Variants in GSTO2 observed in about 807,000 individuals in gnomAD.
The protein encoded by GSTO2 is glutathione S-transferase omega 2.
A neutral mutation model predicts 28.4 loss-of-function variants in GSTO2; 23 were observed. The observed-to-expected ratio is 0.81, with a 90% CI of 0.58 to 1.15. GSTO2 has a LOEUF of 1.15. GSTO2 is among the 50% of genes most tolerant of loss of function. The pLI, the probability that GSTO2 is intolerant of heterozygous loss-of-function variation, is 0.00. For missense variants in GSTO2, 298 were observed against 297.8 expected (o/e 1.00, Z 0.00); for synonymous variants, 109 against 111.0 (o/e 0.98, Z 0.11).
chr10:104,274,684 G>C lies in GSTO2; in HGVS notation c.-231-1G>C, dbSNP rs1379042231. 2 of 581,452 alleles carry C rather than the reference G, an allele frequency of 3.4e-6. No homozygotes were observed. The highest frequency in any genetic ancestry group is 6.0e-6 in the Non-Finnish European group (2 of 331,964). 36.0% of individuals were successfully genotyped at this position (581,452 alleles called of 1,614,324 possible). On this transcript the variant is annotated splice_acceptor_variant, in intron 1 of 6. Transcript: ENST00000338595. LOFTEE classifies it low-confidence loss of function (5UTR_SPLICE). ...TTTTGTCTTGTTTTGTTTTTTGCCA[G>C]CTCCTACTCTCGGGCTTCCAAATCT... is the stretch of plus-strand genomic sequence containing the variant.
chr10:104,291,957 T>G (rs569773111), intron 5 of GSTO2, among the ~76,000 whole-genome samples: 5 of 152,312 alleles, frequency 3.3e-5, no homozygotes, highest in East Asian at 3.9e-4. Context: ...ACAAACCTCT[T>G]GAACTCTTAA....
rs976871932 is a variant in GSTO2, at chr10:104,299,981, G to A, written c.*697G>A. 1.3e-5 allele frequency: 2 copies of A among 152,376 alleles called. No homozygotes were observed. The highest frequency in any genetic ancestry group is 4.8e-5 in the African/African-American group (2 of 41,446). The allele number at this position is 152,376 out of a possible 1,614,324, so 9.4% of individuals were successfully genotyped here. ...ATGGCACCCTCCAAAGACCTCCCTG[G>A]TGAAAGCTTAAGAAGAGGGAGAAGG... is the stretch of plus-strand genomic sequence containing the variant. On this transcript the variant is annotated 3_prime_UTR_variant, in exon 7 of 7. Transcript: ENST00000338595.
rs2013345985 is a variant in GSTO2 at position 104,304,512 on chromosome 10, C to T, written c.*5228C>T. The T allele has an allele frequency of 6.6e-6, 1 of 152,190 alleles. No homozygotes were observed. Among genetic ancestry groups the T allele is most frequent in the African/African-American group, 2.4e-5 (1 of 41,448 alleles). The allele number at this position is 152,190 out of a possible 1,614,324, so 9.4% of individuals were successfully genotyped here. Reference sequence around the variant, plus strand: ...CAACTTAACTTTCTTGAGTAAGTTGCTACACCTCTATTAGCCTCAGTTTCT... The same window carrying T: ...CAACTTAACTTTCTTGAGTAAGTTGTTACACCTCTATTAGCCTCAGTTTCT... On this transcript the variant is annotated 3_prime_UTR_variant, in exon 7 of 7. Transcript: ENST00000338595.
chr10:104,290,469 C>T (rs974649406), intron 5 of GSTO2, among the ~76,000 whole-genome samples: 10 of 150,866 alleles, frequency 6.6e-5, no homozygotes, highest in Non-Finnish European at 1.3e-4. Flanking sequence ...CACACCACTG[C>T]ACTCCAACTT....
intron 1 of GSTO2, 62 bp downstream of exon 1, chr10:104,269,331 C>T (rs2011269814): frequency 6.6e-6 from 1 of 152,230 alleles, no homozygotes; most frequent in African/African-American, 2.4e-5. Context: ...AATTCTGTTT[C>T]CTGGGGTTTT....
At chr10:104,291,021 A>G (rs1564851189) in intron 5 of GSTO2, among the ~76,000 whole-genome samples, 2 of 152,158 alleles carry the variant, frequency 1.3e-5, no homozygotes, top group Admixed American at 6.5e-5. Flanking sequence ...TACACCTACT[A>G]TGTGCCCACG....
intron 5 of GSTO2, among the ~76,000 whole-genome samples, chr10:104,284,363 GA>G (rs564443029): frequency 4.7e-5 from 7 of 148,612 alleles, no homozygotes; most frequent in Non-Finnish European, 9.0e-5. Context: ...TTGTCTCCAA[GA>G]AAAAAAAAAT....
intron 1 of GSTO2, among the ~76,000 whole-genome samples, chr10:104,272,733 C>T (rs1054833099): frequency 8.6e-5 from 13 of 151,138 alleles, no homozygotes; most frequent in Admixed American, 2.6e-4. Flanking sequence ...CCTGCCTCAG[C>T]CTCCTGAGTA....
At chr10:104,294,928 A>G (rs1259457353) in intron 5 of GSTO2, 1 of 152,330 alleles carries the variant, frequency 6.6e-6, no homozygotes, top group Admixed American at 6.5e-5. Context: ...CAAAGGACCC[A>G]CCATGGGTTC....
intron 5 of GSTO2, among the ~76,000 whole-genome samples, chr10:104,293,691 G>T (rs2012893353): frequency 6.6e-6 from 1 of 150,980 alleles, no homozygotes; most frequent in Non-Finnish European, 1.5e-5. Context: ...TAGTAGCTAG[G>T]ACTACAGGCA....
intron 5 of GSTO2, among the ~76,000 whole-genome samples, chr10:104,283,707 C>T (rs2012226200): frequency 6.6e-6 from 1 of 152,138 alleles, no homozygotes; most frequent in East Asian, 1.9e-4. Context: ...TTGAATTATG[C>T]GATCTGTTCC....
chr10:104,290,706 A>C (rs1008314470), intron 5 of GSTO2, among the ~76,000 whole-genome samples: 1 of 152,302 alleles, frequency 6.6e-6, no homozygotes, highest in Middle Eastern at 3.4e-3. Flanking sequence ...AATTGAACTC[A>C]TGAACACAGA....
At chr10:104,275,380 C>T in intron 3 of GSTO2, 46 bp downstream of exon 3, 1 of 1,576,822 alleles carries the variant, frequency 6.3e-7, no homozygotes, top group Non-Finnish European at 8.7e-7. Flanking sequence ...CAGCGCCTCA[C>T]AGGAGCCCGG....
At chr10:104,295,885 C>T (rs1293228182) in intron 5 of GSTO2, 1 of 152,220 alleles carries the variant, frequency 6.6e-6, no homozygotes, top group Non-Finnish European at 1.5e-5. Context: ...TGCCCTCTGT[C>T]CCTCACCAGA....
At position 104,301,880 on chromosome 10, in the gene GSTO2, G is replaced by A. The variant is rs2013270009; in HGVS notation, c.*2596G>A. ...AGGTCTGAGTCATCATGCCTGGTGG[G>A]TGTCTATCTTATAAAAAGCACTAAA... is the stretch of plus-strand genomic sequence containing the variant. On this transcript the variant is annotated 3_prime_UTR_variant, in exon 7 of 7. Transcript: ENST00000338595. 6.6e-6 allele frequency: 1 copy of A among 152,118 alleles called. No individual in the cohort carries two copies. The highest frequency in any genetic ancestry group is 1.5e-5 in the Non-Finnish European group (1 of 68,036). 9.4% of individuals were successfully genotyped at this position (152,118 alleles called of 1,614,324 possible).
chr10:104,274,433 A>AT lies in GSTO2; in HGVS notation c.-231-246dup, dbSNP rs35937878. 2.0e-5 allele frequency among the ~76,000 whole-genome samples: 3 copies of AT among 151,994 alleles called. No individual in the cohort carries two copies. In the East Asian group the frequency reaches 5.8e-4, roughly 29 times the overall value. On this transcript the variant is annotated intron_variant, in intron 1 of 6. Coordinates refer to ENST00000338595, the MANE Select transcript of GSTO2 (RefSeq NM_183239.2). Reference sequence around the variant, plus strand: ...TATCATGAGAATGTTTGGCCTTATTATTTTTTAAAGCTGTACTTACTTACC... The same window carrying AT: ...TATCATGAGAATGTTTGGCCTTATTATTTTTTTAAAGCTGTACTTACTTACC...
Position 104,279,431 on chromosome 10 carries a change from T to C in GSTO2, c.428T>C (p.Leu143Pro), listed in dbSNP as rs138001770. Residue 143 changes from leucine to proline, a missense_variant, in exon 5 of 7, where the codon CTG becomes CCG. Transcript: ENST00000338595. Reference sequence around the variant, plus strand: ...AGATGTGGGAGAGAATGCACTAATCTGAAGGCAGCCCTGCGTCAGGAATTC... The same window carrying C: ...AGATGTGGGAGAGAATGCACTAATCCGAAGGCAGCCCTGCGTCAGGAATTC... ...ALRCGRECTNLKAALRQEFSN... is the reference protein window; with the variant it reads ...ALRCGRECTNPKAALRQEFSN... 1.5e-5 allele frequency: 25 copies of C among 1,613,998 alleles called. No individual in the cohort carries two copies. The highest frequency in any genetic ancestry group is 1.3e-5 in the Non-Finnish European group (15 of 1,179,954).
At chr10:104,282,641 G>A (rs1299633991) in intron 5 of GSTO2, among the ~76,000 whole-genome samples, 1 of 152,146 alleles carries the variant, frequency 6.6e-6, no homozygotes, top group African/African-American at 2.4e-5. Flanking sequence ...GACTGGGAAG[G>A]GACAAAGAGG....
rs534694135 is a variant in GSTO2, at chr10:104,285,435, C to T, written c.468+5964C>T. On this transcript the variant is annotated intron_variant, in intron 5 of 6. Transcript: ENST00000338595. The stretch of plus-strand genomic sequence containing the variant: ...AGGCTGAAGCCACCGAGCCTGCCTC[C>T]GTTATCTTAATTATTATTATAATTA... Among the ~76,000 whole-genome samples, 137 of 151,346 alleles carry T rather than the reference C, an allele frequency of 9.1e-4. 2 individuals are homozygous for T. Among genetic ancestry groups the T allele is most frequent in the Admixed American group, 8.8e-3 (133 of 15,154 alleles).
Sources: allele counts gnomAD v4.1 joint callset (sites outside exome capture counted in the v4.1 genomes callset), GRCh38; gene constraint gnomAD v4.1.1; transcripts MANE v1.5; gene names NCBI Gene and HGNC (gene_info 2026-07-23, HGNC 2026-07-21).